PTPRD: variants seen among roughly 807,000 people sequenced by gnomAD.
PTPRD encodes receptor-type tyrosine-protein phosphatase delta.
In PTPRD, 34 loss-of-function variants were observed where a neutral mutation model predicts 214.5. That is an observed-to-expected ratio of 0.16 (90% CI 0.12 to 0.21). The LOEUF (loss-of-function observed/expected upper bound fraction) is 0.21. Ranked by LOEUF, PTPRD falls within the 10% of genes least tolerant of loss-of-function variation. The pLI is 1.00. For missense variants in PTPRD, 2,545 were observed against 2,398.7 expected (o/e 1.06, Z -1.27); for synonymous variants, 1,128 against 845.7 (o/e 1.33, Z -5.79).
At position 8,341,755 on chromosome 9, in the gene PTPRD, T is replaced by A. The variant is rs1043038219; in HGVS notation, c.4885A>T (p.Ile1629Phe). The change falls in exon 40 of 46, where the codon ATT (isoleucine) becomes TTT (phenylalanine). Residue 1629 changes from isoleucine (I) to phenylalanine (F), a missense_variant. Ile to Phe is a conservative substitution (Grantham distance 21). Coordinates refer to ENST00000381196, the MANE Select transcript of PTPRD (RefSeq NM_002839.4). ...EVPARNLYAY[I>F]QKLTQIETGE... ...GTTTCTATTTGTGTCAGCTTCTGAATGTAGGCATACAAGTTTCTAGCTGGC... is the reference window on the plus strand; with the variant it reads ...GTTTCTATTTGTGTCAGCTTCTGAAAGTAGGCATACAAGTTTCTAGCTGGC... 6.2e-7 allele frequency: 1 copy of A among 1,613,644 alleles called. No homozygotes were observed. Among genetic ancestry groups the A allele is most frequent in the African/African-American group, 1.3e-5 (1 of 75,014 alleles).
At chr9:10,466,232 T>C (rs1481981876) in intron 2 of PTPRD, among the ~76,000 whole-genome samples, 3 of 152,176 alleles carry the variant, frequency 2.0e-5, no homozygotes, top group Admixed American at 2.0e-4. Flanking sequence ...AAGCCTAATA[T>C]CTAGCCTGAA....
chr9:8,497,570 ATTTATT>A (rs1324682219), intron 25 of PTPRD, among the ~76,000 whole-genome samples: 1 of 152,208 alleles, frequency 6.6e-6, no homozygotes, highest in East Asian at 1.9e-4. Context: ...TCCTACTCGT[ATTTATT>A]TTGACTTCTA....
At chr9:10,281,135 G>A (rs888126616) in intron 3 of PTPRD, among the ~76,000 whole-genome samples, 1 of 152,198 alleles carries the variant, frequency 6.6e-6, no homozygotes. Flanking sequence ...CTTACACTAA[G>A]TGAATATTCT....
In PTPRD at chr9:9,710,853, T is replaced by G. The variant is rs72708438; in HGVS notation, c.-287+23680A>C. 8.0e-3 allele frequency among the ~76,000 whole-genome samples: 1,213 copies of G among 152,186 alleles called. 18 individuals are homozygous for G. The highest frequency in any genetic ancestry group is 0.028 in the African/African-American group (1,151 of 41,540). On this transcript the variant is annotated intron_variant, in intron 7 of 45. Transcript: ENST00000381196. Reference sequence around the variant, plus strand: ...CATTCAATACCGTTTGCTAAAAATATTGATGAGAAGAAGACATGATTTCCA... The same window carrying G: ...CATTCAATACCGTTTGCTAAAAATAGTGATGAGAAGAAGACATGATTTCCA...
chr9:8,429,827 A>G (rs1370417322), intron 35 of PTPRD, among the ~76,000 whole-genome samples: 1 of 152,186 alleles, frequency 6.6e-6, no homozygotes, highest in African/African-American at 2.4e-5. Flanking sequence ...TTCTTCAGGG[A>G]ACACTTCTGT....
chr9:10,105,545 G>C (rs2098618763), intron 3 of PTPRD, among the ~76,000 whole-genome samples: 1 of 151,766 alleles, frequency 6.6e-6, no homozygotes, highest in African/African-American at 2.4e-5. Flanking sequence ...AGATGAAGCA[G>C]TTCAGTTAGA....
intron 9 of PTPRD, among the ~76,000 whole-genome samples, chr9:9,345,014 T>C (rs923904125): frequency 1.3e-5 from 2 of 152,076 alleles, no homozygotes; most frequent in African/African-American, 4.8e-5. Flanking sequence ...AATAATGCCC[T>C]AGAAGTCATA....
rs191440743 is a variant in PTPRD at position 9,789,405 on chromosome 9, C to G, written c.-367-22554G>C. Among the ~76,000 whole-genome samples the G allele has an allele frequency of 8.1e-3, 1,231 of 152,286 alleles. 13 individuals carry two copies. Among genetic ancestry groups the G allele is most frequent in the African/African-American group, 0.028 (1,179 of 41,542 alleles). On this transcript the variant is annotated intron_variant, in intron 5 of 45. Coordinates refer to ENST00000381196, the MANE Select transcript of PTPRD (RefSeq NM_002839.4). Reference sequence around the variant, plus strand: ...ATAAATAAACTCAAACAATAAATTACTTGCTCCAAAATATTTTATTCTGCA... The same window carrying G: ...ATAAATAAACTCAAACAATAAATTAGTTGCTCCAAAATATTTTATTCTGCA...
At chr9:9,304,188 A>G (rs1187009184) in intron 9 of PTPRD, among the ~76,000 whole-genome samples, 1 of 152,166 alleles carries the variant, frequency 6.6e-6, no homozygotes, top group Non-Finnish European at 1.5e-5. Flanking sequence ...AATAGATTTT[A>G]TAAATTAGAT....
Position 9,959,490 on chromosome 9 carries a change from T to C in PTPRD, c.-471-20880A>G, listed in dbSNP as rs543281881. 7.2e-5 allele frequency among the ~76,000 whole-genome samples: 11 copies of C among 152,248 alleles called. No individual in the cohort carries two copies. In the South Asian group the frequency reaches 1.7e-3, roughly 23 times the overall value. On this transcript the variant is annotated intron_variant, in intron 4 of 45. Transcript: ENST00000381196. ...ACAGCACAGAGTAAAACTTAATGTA[T>C]AGACATTTAAAAAATTTAGCAGATT...
chr9:8,557,745 TAAAA>T (rs752836520), intron 14 of PTPRD, among the ~76,000 whole-genome samples: 4 of 46,768 alleles, frequency 8.6e-5, no homozygotes, highest in Admixed American at 4.7e-4. Context: ...TGTCTCTCAA[TAAAA>T]AAAAAAAAAA....
intron 11 of PTPRD, among the ~76,000 whole-genome samples, chr9:8,769,646 G>A (rs181081610): frequency 5.3e-5 from 8 of 152,158 alleles, no homozygotes; most frequent in Middle Eastern, 3.4e-3. Context: ...AGCCCTCAGT[G>A]TAAAAATGTA....
chr9:9,617,869 G>C (rs904091632), intron 7 of PTPRD, among the ~76,000 whole-genome samples: 1 of 151,650 alleles, frequency 6.6e-6, no homozygotes, highest in African/African-American at 2.4e-5. Context: ...TCAGGAGATC[G>C]AGACCATTCT....
intron 5 of PTPRD, among the ~76,000 whole-genome samples, chr9:9,844,647 C>T (rs1201057500): frequency 6.6e-6 from 1 of 151,738 alleles, no homozygotes; most frequent in Non-Finnish European, 1.5e-5. Flanking sequence ...ACAAATTACA[C>T]CAATTAACAG....
At chr9:9,777,737 CAT>C (rs1167093172) in intron 5 of PTPRD, among the ~76,000 whole-genome samples, 1 of 152,200 alleles carries the variant, frequency 6.6e-6, no homozygotes, top group African/African-American at 2.4e-5. Context: ...ACTCTGGAAA[CAT>C]GTTGATATTG....
intron 11 of PTPRD, among the ~76,000 whole-genome samples, chr9:8,979,468 AG>A (rs1417538624): frequency 1.3e-5 from 2 of 152,122 alleles, no homozygotes; most frequent in East Asian, 3.9e-4. Flanking sequence ...AGTGGAAAAA[AG>A]TATTTTTAAA....
chr9:9,354,960 G>A (rs775401452), intron 9 of PTPRD, among the ~76,000 whole-genome samples: 12 of 151,770 alleles, frequency 7.9e-5, no homozygotes, highest in Non-Finnish European at 1.6e-4. Flanking sequence ...GTAGTGGAGT[G>A]TGGACAAAAA....
intron 8 of PTPRD, among the ~76,000 whole-genome samples, chr9:9,453,283 C>T (rs1384650760): frequency 4.6e-5 from 7 of 151,494 alleles, no homozygotes; most frequent in Admixed American, 1.3e-4. Flanking sequence ...TCATTCCATG[C>T]GGTTGCATAT....
At chr9:10,567,772 G>A (rs577188617) in intron 2 of PTPRD, among the ~76,000 whole-genome samples, 88 of 151,656 alleles carry the variant, frequency 5.8e-4, no homozygotes, top group African/African-American at 2.1e-3. Flanking sequence ...TATATTTAGT[G>A]TTCAGTATTT....
Sources: allele counts gnomAD v4.1 joint callset (sites outside exome capture counted in the v4.1 genomes callset), GRCh38; gene constraint gnomAD v4.1.1; transcripts MANE v1.5; gene names NCBI Gene and HGNC (gene_info 2026-07-23, HGNC 2026-07-21).